TACC3: variants seen among roughly 807,000 people sequenced by gnomAD.
TACC3 encodes the protein transforming acidic coiled-coil containing protein 3, also known as transforming acidic coiled-coil-containing protein 3.
In TACC3, 52 loss-of-function variants were observed where a neutral mutation model predicts 86.0. That is an observed-to-expected ratio of 0.60 (90% confidence interval 0.48 to 0.76). The LOEUF (loss-of-function observed/expected upper bound fraction) is 0.76, where lower values mean the gene tolerates loss of function less well. Ranked by LOEUF, TACC3 falls within the 30% of genes least tolerant of loss-of-function variation. The pLI is 0.00. For synonymous variants in TACC3, 512 were observed against 430.0 expected, an observed-to-expected ratio of 1.19 and a Z score of -2.36; for missense variants, 1,120 against 1,070.4, an observed-to-expected ratio of 1.05 and a Z score of -0.65.
rs146175291 is a variant in TACC3 at position 1,737,744 on chromosome 4, C to T, written c.1941+42C>T. 2.9e-4 allele frequency: 438 copies of T among 1,522,610 alleles called. No homozygotes were observed. The East Asian group carries it at 7.1e-3, about 25-fold the overall frequency. The allele number at this position is 1,522,610 out of a possible 1,614,324, so 94.3% of individuals were successfully genotyped here. ...TAGCTATTCCACAGAACCTGCAGGC[C>T]GCTCTGGGGCTTGGCCAACAGTGGG... On this transcript the variant is annotated intron_variant, in intron 10 of 15. Transcript: ENST00000313288.
rs1718559023 is a variant in TACC3 at position 1,740,814 on chromosome 4, T to G, written c.2063-12T>G. ...CCTCCTCATCCTGAACGTTTGCTTT[T>G]CTTTTCTCAAGAGGAAGTTCAGAAG... On this transcript the variant is annotated splice_polypyrimidine_tract_variant and intron_variant, in intron 12 of 15. Coordinates refer to ENST00000313288, the MANE Select transcript of TACC3 (RefSeq NM_006342.3). 1 of 1,602,502 alleles carries G rather than the reference T, an allele frequency of 6.2e-7. No individual in the cohort carries two copies. The highest frequency in any genetic ancestry group is 8.5e-7 in the Non-Finnish European group (1 of 1,176,680).
At chr4:1,736,974 G>A (rs981008366) in intron 8 of TACC3, among the ~76,000 whole-genome samples, 8 of 152,198 alleles carry the variant, frequency 5.3e-5, no homozygotes, top group South Asian at 4.2e-4. Context: ...CACTGGCTCC[G>A]CTCAGCCTGC....
chr4:1,730,986 C>T, intron 5 of TACC3, 24 bp downstream of exon 5: 1 of 1,613,058 alleles, frequency 6.2e-7, no homozygotes, highest in South Asian at 1.1e-5. Flanking sequence ...GTGTGGGTAC[C>T]TGTGCTCCTG....
At position 1,745,166 on chromosome 4, in the gene TACC3, T is replaced by C. The variant is rs532580351; in HGVS notation, c.*153T>C. ...TGACTCAATAAAAGTTTCCTTTCAA[T>C]TTAAACACTGAAGCCGCTCTGGTCT... is the stretch of plus-strand genomic sequence containing the variant. On this transcript the variant is annotated 3_prime_UTR_variant, in exon 16 of 16. Coordinates refer to ENST00000313288, the MANE Select transcript of TACC3 (RefSeq NM_006342.3). 6 of 859,852 alleles carry C rather than the reference T, an allele frequency of 7.0e-6. No homozygotes were observed. The highest frequency in any genetic ancestry group is 1.1e-5 in the Non-Finnish European group (6 of 567,040). The allele number at this position is 859,852 out of a possible 1,614,324, so 53.3% of individuals were successfully genotyped here. A position where few individuals can be genotyped will look rare whatever the true frequency, so the allele number is the denominator to read the frequency against.
intron 4 of TACC3, chr4:1,730,638 T>G: frequency 1.6e-6 from 1 of 641,066 alleles, no homozygotes; most frequent in East Asian, 3.1e-5. Context: ...TCGTGCTGAC[T>G]TTAGAGCTCC....
chr4:1,729,326 G>T (rs1717885622), intron 4 of TACC3, among the ~76,000 whole-genome samples: 1 of 152,102 alleles, frequency 6.6e-6, no homozygotes, highest in South Asian at 2.1e-4. Context: ...ACAAGAGATT[G>T]TACAAATAAA....
intron 1 of TACC3, among the ~76,000 whole-genome samples, chr4:1,722,836 C>T (rs1717478888): frequency 6.6e-6 from 1 of 152,224 alleles, no homozygotes; most frequent in Admixed American, 6.5e-5. Context: ...GCACCTGTTG[C>T]TCAGCTCTGG....
upstream of TACC3, chr4:1,720,778 C>G: frequency 6.3e-7 from 1 of 1,594,228 alleles, no homozygotes; most frequent in Non-Finnish European, 8.5e-7. This position sits in a 1 kb window ranked among gnomAD's most constrained non-coding sequence, Gnocchi z 4.4. Flanking sequence ...TGGGCGTGAA[C>G]ACGAAGCACA....
At chr4:1,729,166 C>T (rs1040163650) in intron 4 of TACC3, among the ~76,000 whole-genome samples, 3 of 152,162 alleles carry the variant, frequency 2.0e-5, no homozygotes, top group African/African-American at 4.8e-5. Flanking sequence ...GGGTGGCGTC[C>T]GCTGCTTGCT....
chr4:1,743,254 CAAAAAAA>C (rs60854843), intron 13 of TACC3, among the ~76,000 whole-genome samples: 24 of 104,644 alleles, frequency 2.3e-4, no homozygotes, highest in Admixed American at 2.0e-4. Context: ...GACTCCGTCT[CAAAAAAA>C]AAAAAAAAAA....
At position 1,731,352 on chromosome 4, in the gene TACC3, G is replaced by A. The variant is rs372593031; in HGVS notation, c.1591+51G>A. 84 of 1,593,978 alleles carry A rather than the reference G, an allele frequency of 5.3e-5. 2 individuals are homozygous for A. In the South Asian group the frequency reaches 6.7e-4, roughly 13 times the overall value. ...ACACAGTCTGCCCGGAGGGGATCCC[G>A]TGAGCACTTGGGCAGCTCGAGACAC... On this transcript the variant is annotated intron_variant, in intron 6 of 15. Transcript: ENST00000313288.
Position 1,735,370 on chromosome 4 carries a change from G to A in TACC3, c.1644+45G>A, listed in dbSNP as rs114491476. 4,776 of 1,611,458 alleles carry A rather than the reference G, an allele frequency of 3.0e-3. 148 individuals carry two copies. The African/African-American group carries it at 0.056, about 19-fold the overall frequency. On this transcript the variant is annotated intron_variant, in intron 7 of 15. Transcript: ENST00000313288. The surrounding 1 kb of genome is among the most constrained non-coding windows in gnomAD (Gnocchi z 4.2). ...GCGAAGCCTCACCCACAGGGTGTCC[G>A]AGAGCAGCCACGGCAGGTCTTGCCC...
intron 8 of TACC3, among the ~76,000 whole-genome samples, 185 bp from the exon 9 acceptor site, chr4:1,737,056 G>A (rs554362550): frequency 4.9e-4 from 75 of 152,338 alleles, no homozygotes; most frequent in South Asian, 4.1e-4. Flanking sequence ...GGTGAGGGAG[G>A]GGGGCACGGA....
chr4:1,722,895 C>T (rs76998502), intron 1 of TACC3, among the ~76,000 whole-genome samples: 1 of 152,268 alleles, frequency 6.6e-6, no homozygotes, highest in East Asian at 1.9e-4. Context: ...TGGGCCTTCA[C>T]CCTCTCAGCC....
At chr4:1,726,312 G>T (rs1717685592) in intron 3 of TACC3, among the ~76,000 whole-genome samples, 1 of 152,202 alleles carries the variant, frequency 6.6e-6, no homozygotes, top group Non-Finnish European at 1.5e-5. Context: ...GTGGCATCCT[G>T]CACCTCAGCC....
Position 1,731,206 on chromosome 4 carries a change from C to T in TACC3, c.1496C>T (p.Pro499Leu), listed in dbSNP as rs1216816995. Residue 499 changes from proline to leucine, a missense_variant, in exon 6 of 16, where the codon CCC becomes CTC. Physicochemically the swap from Pro to Leu is moderately conservative, Grantham distance 98. Coordinates refer to ENST00000313288, the MANE Select transcript of TACC3 (RefSeq NM_006342.3). ...RALNSASTSL[P>L]TSCPGSEPVP... The stretch of plus-strand genomic sequence containing the variant: ...TTGAACTCTGCCAGCACCTCGCTTC[C>T]CACAAGCTGTCCAGGCAGTGAGCCA... 3.7e-6 allele frequency: 6 copies of T among 1,613,400 alleles called. No individual in the cohort carries two copies. The highest frequency in any genetic ancestry group is 1.1e-5 in the South Asian group (1 of 91,084).
intron 9 of TACC3, 81 bp from the exon 10 acceptor site, chr4:1,737,517 T>G: frequency 8.1e-7 from 1 of 1,234,498 alleles, no homozygotes; most frequent in Non-Finnish European, 1.1e-6. Context: ...TTGGCCTGTG[T>G]GGGCCTTTCC....
rs565339271 is a variant in TACC3 at position 1,735,459 on chromosome 4, T to C, written c.1644+134T>C. ...CACAGGCCCAGGCATTGTGGCGGGC[T>C]GTGAATCCAGGGCCCCTTCTGCAGC... On this transcript the variant is annotated intron_variant, in intron 7 of 15. Transcript: ENST00000313288. This position sits in a 1 kb window ranked among gnomAD's most constrained non-coding sequence, Gnocchi z 4.2. 176 of 1,070,444 alleles carry C rather than the reference T, an allele frequency of 1.6e-4. 1 individual carries two copies. The South Asian group carries it at 2.2e-3, about 13-fold the overall frequency. 66.3% of individuals were successfully genotyped at this position (1,070,444 alleles called of 1,614,324 possible).
In TACC3 at chr4:1,730,967, G is replaced by A. The variant is rs1225295718; in HGVS notation, c.1461+5G>A. ...ACCCCAACAGCAGAGAGCAAGGTAA[G>A]GGGTGCTTGTGTGGGTACCTGTGCT... On this transcript the variant is annotated splice_donor_5th_base_variant and intron_variant, in intron 5 of 15. Coordinates refer to ENST00000313288, the MANE Select transcript of TACC3 (RefSeq NM_006342.3). The A allele has an allele frequency of 6.2e-7, 1 of 1,613,360 alleles. No homozygotes were observed. Among genetic ancestry groups the A allele is most frequent in the Admixed American group, 1.7e-5 (1 of 60,004 alleles).
Sources: gnomAD v4.1 joint callset for allele counts (sites outside exome capture counted in the v4.1 genomes callset) on GRCh38, gnomAD v4.1.1 for gene constraint, Gnocchi (gnomAD v3.1) non-coding constraint, MANE v1.5 for transcripts, NCBI Gene and HGNC (gene_info 2026-07-23, HGNC 2026-07-21) for gene names.